The following TENM2 variants were observed in gnomAD, a reference collection of about 807,000 sequenced individuals.
The protein encoded by TENM2 is teneurin transmembrane protein 2.
In TENM2, 52 loss-of-function variants were observed where a neutral mutation model predicts 245.2. The observed-to-expected ratio is 0.21, with a 90% CI of 0.17 to 0.27. The LOEUF (loss-of-function observed/expected upper bound fraction) is 0.27. Among genes scored for constraint, TENM2 ranks in the 10% least tolerant of loss-of-function variants. The pLI is 1.00. For missense variants in TENM2, 3,046 were observed against 3,666.8 expected, an observed-to-expected ratio of 0.83 and a Z score of 4.37; for synonymous variants, 1,363 against 1,438.9, an observed-to-expected ratio of 0.95 and a Z score of 1.19.
At chr5:168,162,535 C>G in intron 12 of TENM2, 76 bp from the exon 15 acceptor site, 6 of 1,520,776 alleles carry the variant, frequency 3.9e-6, no homozygotes, top group Non-Finnish European at 5.4e-6. Context: ...GGCCTTGCTC[C>G]CCTCTGCATG....
Position 168,114,401 on chromosome 5 carries a change from T to C in TENM2, c.1814-3891T>C, listed in dbSNP as rs112528645. 7.7e-3 allele frequency among the ~76,000 whole-genome samples: 1,178 copies of C among 152,282 alleles called. 19 individuals are homozygous for C. The highest frequency in any genetic ancestry group is 0.027 in the African/African-American group (1,114 of 41,548). ...GTCAGTGTCATTTTTCTATAACCTG[T>C]CATAAAAAATAATGCAGCTTGCATG... On this transcript the variant is annotated intron_variant, in intron 9 of 28. Transcript: ENST00000518659.
intron 2 of TENM2, among the ~76,000 whole-genome samples, chr5:167,638,550 A>G (rs564741462): frequency 6.6e-6 from 1 of 152,362 alleles, no homozygotes; most frequent in Admixed American, 6.5e-5. Flanking sequence ...ATTACCAAGA[A>G]GGATTAGAAG....
At chr5:167,127,497 A>G in the TENM2 span, among the ~76,000 whole-genome samples, 1 of 152,156 alleles carries the variant, frequency 6.6e-6, no homozygotes, top group Non-Finnish European at 1.5e-5. Context: ...TGAAAGTGTC[A>G]TTTAGAAAGC....
intron 5 of TENM2, among the ~76,000 whole-genome samples, chr5:168,030,158 CTTTTTTTTTTTTTT>C (rs540326142): frequency 1.5e-4 from 10 of 65,294 alleles, no homozygotes; most frequent in African/African-American, 5.8e-4. Flanking sequence ...GGTTCTGGCT[CTTTTTTTTTTTTTT>C]TTTTTTTTTT....
chr5:167,531,871 A>T (rs1219150097), intron 2 of TENM2, among the ~76,000 whole-genome samples: 1 of 152,172 alleles, frequency 6.6e-6, no homozygotes, highest in Non-Finnish European at 1.5e-5. Context: ...CTCTGTCCAT[A>T]CTTGAACTCC....
intron 2 of TENM2, among the ~76,000 whole-genome samples, chr5:167,697,675 C>T (rs1010107448): frequency 1.3e-5 from 2 of 152,118 alleles, no homozygotes; most frequent in African/African-American, 4.8e-5. Context: ...CAGGCACCCG[C>T]CACCATGTCC....
chr5:167,871,501 C>T (rs1343011474), intron 2 of TENM2, among the ~76,000 whole-genome samples: 2 of 152,112 alleles, frequency 1.3e-5, no homozygotes, highest in African/African-American at 4.8e-5. Context: ...GATTAGTCCC[C>T]ATATTTAAGG....
At chr5:167,438,541 G>T (rs912877862) in intron 2 of TENM2, among the ~76,000 whole-genome samples, 1 of 150,798 alleles carries the variant, frequency 6.6e-6, no homozygotes, top group South Asian at 2.1e-4. Context: ...ACAGGTGACT[G>T]CCACCACGCC....
chr5:167,635,011 C>A lies in TENM2; in HGVS notation c.503-240975C>A, dbSNP rs1457138362. 2.6e-5 allele frequency among the ~76,000 whole-genome samples: 4 copies of A among 152,174 alleles called. No homozygotes were observed. In the East Asian group the frequency reaches 7.7e-4, roughly 29 times the overall value. On this transcript the variant is annotated intron_variant, in intron 2 of 28. Transcript: ENST00000518659. Reference sequence around the variant, plus strand: ...AGATCCTAGCATGTTGAAGTCTCAACTGGGTACCCCTACAGGCTTAAATAT... The same window carrying A: ...AGATCCTAGCATGTTGAAGTCTCAAATGGGTACCCCTACAGGCTTAAATAT...
chr5:167,561,608 T>C (rs1014433176), intron 2 of TENM2, among the ~76,000 whole-genome samples: 4 of 152,174 alleles, frequency 2.6e-5, no homozygotes, highest in African/African-American at 7.2e-5. Flanking sequence ...AAATCAGAGA[T>C]GCTGCAAGAG....
At chr5:167,321,800 T>TTTTTTTGTTG (rs1467480814) in intron 1 of TENM2, among the ~76,000 whole-genome samples, 2 of 12,144 alleles carry the variant, frequency 1.6e-4, no homozygotes, top group African/African-American at 3.2e-4. Flanking sequence ...TTTTTTTTTT[T>TTTTTTTGTTG]TGGGGGGGGG....
At chr5:168,147,409 C>T (rs1378588751) in intron 12 of TENM2, among the ~76,000 whole-genome samples, 1 of 152,342 alleles carries the variant, frequency 6.6e-6, no homozygotes, top group South Asian at 2.1e-4. Flanking sequence ...CACACCACGG[C>T]CTGGCTATCC....
At chr5:168,036,623 C>T (rs1421759663) in intron 5 of TENM2, among the ~76,000 whole-genome samples, 25 of 110,332 alleles carry the variant, frequency 2.3e-4, no homozygotes, top group Non-Finnish European at 3.2e-4. Flanking sequence ...GCAACAAGAG[C>T]GAAACTCCAT....
At chr5:168,060,711 G>A (rs1182173523) in intron 6 of TENM2, among the ~76,000 whole-genome samples, 1 of 152,158 alleles carries the variant, frequency 6.6e-6, no homozygotes, top group Non-Finnish European at 1.5e-5. Context: ...AAGAAAATAA[G>A]AGGGAAAAAC....
intron 3 of TENM2, among the ~76,000 whole-genome samples, chr5:167,883,438 T>G (rs1583275910): frequency 6.6e-6 from 1 of 152,184 alleles, no homozygotes; most frequent in East Asian, 1.9e-4. Flanking sequence ...TCCAGCAATT[T>G]CCAGCCCAAC....
intron 5 of TENM2, among the ~76,000 whole-genome samples, chr5:168,020,608 C>T (rs982154845): frequency 4.6e-5 from 7 of 152,140 alleles, no homozygotes; most frequent in African/African-American, 1.7e-4. Context: ...AAGACGGTTG[C>T]GTCTTCACCT....
chr5:167,295,023 A>T (rs907619833), intron 1 of TENM2, among the ~76,000 whole-genome samples: 1 of 152,152 alleles, frequency 6.6e-6, no homozygotes, highest in African/African-American at 2.4e-5. Context: ...TCTCTTGATG[A>T]GTGACTCAGC....
chr5:168,218,955 C>T lies in TENM2; in HGVS notation c.5064C>T (p.Leu1688=), dbSNP rs1358715631. 6 of 1,613,788 alleles carry T rather than the reference C, an allele frequency of 3.7e-6. No individual in the cohort carries two copies. Among genetic ancestry groups the T allele is most frequent in the East Asian group, 4.5e-5 (2 of 44,890 alleles). The change falls in exon 23 of 29, where the codon CTC becomes CTT. Residue 1688 remains leucine (L), a synonymous_variant. Coordinates refer to ENST00000518659, the Ensembl canonical transcript of TENM2. The surrounding 1 kb of genome is among the most constrained non-coding windows in gnomAD (Gnocchi z 5.2). ...TGACCTATGATGGCAACACTGGGCT[C>T]CTGGCCACCAAGAGCGATGAAACAG...
chr5:167,056,158 G>A, the TENM2 span, among the ~76,000 whole-genome samples: 1 of 151,878 alleles, frequency 6.6e-6, no homozygotes, highest in African/African-American at 2.4e-5. Context: ...TGAATTTATT[G>A]ATATGACTAA....
Sources: allele counts gnomAD v4.1 joint callset (sites outside exome capture counted in the v4.1 genomes callset), GRCh38; gene constraint gnomAD v4.1.1; non-coding constraint Gnocchi (gnomAD v3.1); transcripts MANE v1.5; gene names NCBI Gene and HGNC (gene_info 2026-07-23, HGNC 2026-07-21).